DPP10: variants seen among roughly 807,000 people sequenced by gnomAD.
DPP10 encodes the protein dipeptidyl peptidase like 10.
DPP10 carries 33 observed loss-of-function variants against 120.9 expected under a neutral mutation model. The observed-to-expected ratio is 0.27, with a 90% CI of 0.21 to 0.37. DPP10 has a LOEUF of 0.37. DPP10 is among the 10% of genes least tolerant of loss of function. The pLI is 1.00. For missense variants in DPP10, 816 were observed against 942.8 expected (o/e 0.87, Z 1.76); for synonymous variants, 337 against 326.1 (o/e 1.03, Z -0.36).
chr2:115,795,292 T>C (rs1199873608), intron 19 of DPP10, among the ~76,000 whole-genome samples: 4 of 152,190 alleles, frequency 2.6e-5, no homozygotes, highest in Non-Finnish European at 5.9e-5. Context: ...CTTCCCATTT[T>C]CTACTTTTTC....
chr2:114,447,279 G>T (rs1677999502), intron 1 of DPP10, among the ~76,000 whole-genome samples: 1 of 152,174 alleles, frequency 6.6e-6, no homozygotes, highest in Admixed American at 6.5e-5. Flanking sequence ...ACAGGCATGA[G>T]CCACCGCGCC....
At chr2:114,882,895 C>T (rs1691761850) in intron 1 of DPP10, among the ~76,000 whole-genome samples, 1 of 152,102 alleles carries the variant, frequency 6.6e-6, no homozygotes, top group Admixed American at 6.5e-5. Context: ...CAAGCATTCA[C>T]AATTTCTATA....
At chr2:115,726,443 T>G (rs768233841) in intron 7 of DPP10, among the ~76,000 whole-genome samples, 54 of 152,186 alleles carry the variant, frequency 3.5e-4, no homozygotes, top group Middle Eastern at 3.2e-3. Context: ...TGTGTGAGCC[T>G]TATTCACATT....
chr2:115,354,344 T>G (rs7561031), intron 3 of DPP10, among the ~76,000 whole-genome samples: 102,026 of 151,806 alleles, frequency 0.67, 34,540 homozygotes, highest in Admixed American at 0.75. Context: ...CTACCCCCTC[T>G]TATTTTCACC....
At chr2:114,675,435 A>G (rs1698605379) in intron 1 of DPP10, among the ~76,000 whole-genome samples, 2 of 152,156 alleles carry the variant, frequency 1.3e-5, no homozygotes, top group Admixed American at 1.3e-4. Context: ...GTTCTAACTA[A>G]TGTTACAACC....
At chr2:114,884,812 T>C (rs1350665757) in intron 1 of DPP10, among the ~76,000 whole-genome samples, 1 of 152,208 alleles carries the variant, frequency 6.6e-6, no homozygotes, top group East Asian at 1.9e-4. Flanking sequence ...GAACATACAA[T>C]GATTGGTTTT....
chr2:115,184,824 A>G (rs2054320871), intron 1 of DPP10, among the ~76,000 whole-genome samples: 1 of 152,210 alleles, frequency 6.6e-6, no homozygotes, highest in Non-Finnish European at 1.5e-5. Flanking sequence ...ATGAGACAGA[A>G]TAATCTAGTA....
chr2:115,138,141 A>G (rs1163322429), intron 1 of DPP10, among the ~76,000 whole-genome samples: 1 of 152,166 alleles, frequency 6.6e-6, no homozygotes, highest in African/African-American at 2.4e-5. Flanking sequence ...TTTCCTCTCT[A>G]CATGGGGGTC....
chr2:114,489,106 G>A (rs1432623268), intron 1 of DPP10, among the ~76,000 whole-genome samples: 1 of 152,188 alleles, frequency 6.6e-6, no homozygotes. Flanking sequence ...TTAAATGTCT[G>A]ACCAGAGTCC....
chr2:114,831,688 A>T (rs1010851057), intron 1 of DPP10, among the ~76,000 whole-genome samples: 1 of 152,094 alleles, frequency 6.6e-6, no homozygotes, highest in African/African-American at 2.4e-5. Context: ...AAAAGAAGAG[A>T]TCAAAATTCT....
rs1011871677 is a variant in DPP10, at chr2:115,161,839, C to A, written c.61-147400C>A. ...CCCCGCCCCTCCGCTCCCCCCACCC[C>A]GTCCCTTCCGCCGATTCCGGGAGCG... On this transcript the variant is annotated intron_variant, in intron 1 of 25. Coordinates refer to ENST00000410059, the MANE Select transcript of DPP10 (RefSeq NM_020868.6). The A allele has an allele frequency of 5.8e-6, 6 of 1,035,534 alleles. No homozygotes were observed. The African/African-American group carries it at 6.8e-5, about 12-fold the overall frequency. The allele number at this position is 1,035,534 out of a possible 1,614,324, so 64.1% of individuals were successfully genotyped here. A position where few individuals can be genotyped will look rare whatever the true frequency, so the allele number is the denominator to read the frequency against.
At chr2:115,398,241 T>G (rs2067825217) in intron 3 of DPP10, among the ~76,000 whole-genome samples, 1 of 151,994 alleles carries the variant, frequency 6.6e-6, no homozygotes, top group Non-Finnish European at 1.5e-5. Context: ...AGAAAAGCAG[T>G]GCTTAAGAAA....
intron 1 of DPP10, among the ~76,000 whole-genome samples, chr2:114,606,626 A>G (rs1692827657): frequency 6.6e-6 from 1 of 152,172 alleles, no homozygotes; most frequent in African/African-American, 2.4e-5. Flanking sequence ...CAAATGCAAT[A>G]CCATCTGGTG....
chr2:115,381,623 G>T (rs552405685), intron 3 of DPP10, among the ~76,000 whole-genome samples: 2 of 152,340 alleles, frequency 1.3e-5, no homozygotes, highest in East Asian at 3.9e-4. Context: ...GAGGAGGAGA[G>T]ACGCTCTGCT....
intron 5 of DPP10, among the ~76,000 whole-genome samples, chr2:115,665,029 T>TA (rs1328868598): frequency 6.6e-6 from 1 of 152,216 alleles, no homozygotes; most frequent in African/African-American, 2.4e-5. Flanking sequence ...GAAGTTCTAT[T>TA]AAGAGTCCTG....
intron 1 of DPP10, among the ~76,000 whole-genome samples, chr2:115,178,228 C>T (rs2053836721): frequency 6.6e-6 from 1 of 152,044 alleles, no homozygotes; most frequent in African/African-American, 2.4e-5. Context: ...CCATGCTCTC[C>T]ACACATTGCC....
At chr2:114,977,442 TC>T (rs1450616168) in intron 1 of DPP10, among the ~76,000 whole-genome samples, 1 of 152,136 alleles carries the variant, frequency 6.6e-6, no homozygotes, top group Non-Finnish European at 1.5e-5. Context: ...CTAAAAATAA[TC>T]TACTTTTTTA....
chr2:114,606,054 G>A (rs1040848665), intron 1 of DPP10, among the ~76,000 whole-genome samples: 1 of 152,088 alleles, frequency 6.6e-6, no homozygotes, highest in Non-Finnish European at 1.5e-5. Context: ...TTGGGCAGGA[G>A]AGTTAGTTTT....
intron 1 of DPP10, among the ~76,000 whole-genome samples, chr2:114,883,581 A>G (rs941013187): frequency 5.3e-5 from 8 of 152,208 alleles, no homozygotes; most frequent in Admixed American, 3.9e-4. Flanking sequence ...TCAATGTATT[A>G]GTAAAATCCC....
Sources: allele counts gnomAD v4.1 joint callset (sites outside exome capture counted in the v4.1 genomes callset), GRCh38; gene constraint gnomAD v4.1.1; transcripts MANE v1.5; gene names NCBI Gene and HGNC (gene_info 2026-07-23, HGNC 2026-07-21).